Variants in PAX8 observed in about 807,000 individuals in gnomAD.
PAX8 encodes the protein paired box protein Pax-8.
Under a neutral mutation model 52.4 loss-of-function variants are expected in PAX8, and 15 were observed. That is an observed-to-expected ratio of 0.29 (90% confidence interval 0.19 to 0.44). The LOEUF is 0.44. Among genes scored for constraint, PAX8 ranks in the 20% least tolerant of loss-of-function variants. The probability of loss-of-function intolerance (pLI) is 1.00; values close to 1 mark genes in which losing one functional copy is unlikely to be tolerated. For missense variants in PAX8, 554 were observed against 602.5 expected (o/e 0.92, Z 0.84); for synonymous variants, 284 against 249.7 (o/e 1.14, Z -1.29).
At chr2:113,256,011 A>AT (rs1553416880) in intron 2 of PAX8, among the ~76,000 whole-genome samples, 8 of 151,344 alleles carry the variant, frequency 5.3e-5, no homozygotes, top group Non-Finnish European at 7.4e-5. Flanking sequence ...AAAAAAAAAA[A>AT]GTTCTCCAGT....
chr2:113,229,672 G>A (rs190707080), intron 9 of PAX8, among the ~76,000 whole-genome samples: 100 of 152,318 alleles, frequency 6.6e-4, no homozygotes, highest in Middle Eastern at 3.4e-3. Context: ...ATATTTAGAC[G>A]CAGAGGGAGA....
chr2:113,259,866 C>T (rs1692538606), intron 2 of PAX8, among the ~76,000 whole-genome samples: 1 of 152,178 alleles, frequency 6.6e-6, no homozygotes, highest in Middle Eastern at 3.2e-3. Context: ...TGGAAGGGCC[C>T]TCTGGGCTGC....
At chr2:113,226,739 A>C (rs1199108439) in intron 10 of PAX8, 1 of 1,140,706 alleles carries the variant, frequency 8.8e-7, no homozygotes, top group East Asian at 4.5e-5. Context: ...ACTGGGATTC[A>C]TCAGAGTTAA....
At position 113,261,017 on chromosome 2, in the gene PAX8, G is replaced by A. The variant is rs545576415; in HGVS notation, c.26-14098C>T. Among the ~76,000 whole-genome samples, 3 of 152,218 alleles carry A rather than the reference G, an allele frequency of 2.0e-5. No individual in the cohort carries two copies. The East Asian group carries it at 5.8e-4, about 29-fold the overall frequency. On this transcript the variant is annotated intron_variant, in intron 2 of 11. Coordinates refer to ENST00000429538, the MANE Select transcript of PAX8 (RefSeq NM_003466.4). The stretch of plus-strand genomic sequence containing the variant: ...AAATGAAGGGGAACCGCCTTTCTGA[G>A]GGACACACAGGAGCAAAATCTGTGA...
chr2:113,218,810 T>C (rs1689116139), intron 11 of PAX8, among the ~76,000 whole-genome samples: 3 of 152,202 alleles, frequency 2.0e-5, no homozygotes, highest in Admixed American at 6.5e-5. Context: ...CTGGCCAGAA[T>C]GAGAACAGTG....
At chr2:113,223,300 C>T (rs958164387) in intron 10 of PAX8, among the ~76,000 whole-genome samples, 16 of 152,136 alleles carry the variant, frequency 1.1e-4, no homozygotes, top group African/African-American at 3.6e-4. Context: ...ATCCCAACAG[C>T]CAATCTACCA....
intron 2 of PAX8, among the ~76,000 whole-genome samples, chr2:113,256,252 C>T (rs539052162): frequency 2.8e-4 from 42 of 152,338 alleles, no homozygotes; most frequent in African/African-American, 9.9e-4. Context: ...ATAGTAGCTA[C>T]AGGAAGCAAC....
chr2:113,230,261 C>T (rs1192069572), intron 9 of PAX8, among the ~76,000 whole-genome samples: 3 of 152,184 alleles, frequency 2.0e-5, no homozygotes, highest in African/African-American at 4.8e-5. Context: ...CCTGTGGCCC[C>T]GCACTCCCCT....
At chr2:113,231,614 G>A (rs1454952227) in intron 9 of PAX8, among the ~76,000 whole-genome samples, 1 of 152,220 alleles carries the variant, frequency 6.6e-6, no homozygotes, top group Non-Finnish European at 1.5e-5. Flanking sequence ...GAAGATTCAC[G>A]CGGGTTAAAG....
chr2:113,277,352 G>GCTAA (rs1164750808), intron 2 of PAX8, among the ~76,000 whole-genome samples: 1 of 152,242 alleles, frequency 6.6e-6, no homozygotes, highest in East Asian at 1.9e-4. Context: ...AGTGCGCTTG[G>GCTAA]CTAAATAGAG....
At chr2:113,274,244 G>A (rs1982331) in intron 2 of PAX8, 151,568 of 152,282 alleles carry the variant, frequency 1, 75,435 homozygotes, top group Middle Eastern at 1. Context: ...ATGGACCCCA[G>A]ATAAAGACTT....
At chr2:113,274,529 A>AC (rs1294781906) in intron 2 of PAX8, 1 of 151,090 alleles carries the variant, frequency 6.6e-6, no homozygotes, top group African/African-American at 2.4e-5. Context: ...TTTCCTTTCC[A>AC]CCCCCATTGC....
In PAX8 at chr2:113,250,266, CAAAA is replaced by C. The variant is rs35799959; in HGVS notation, c.26-3351_26-3348del. ...TGGGTGACAGAGCAAGACTCCATCT[CAAAA>C]AAAAAAAAAAAAAAGAAGATAGGGG... On this transcript the variant is annotated intron_variant, in intron 2 of 11. Transcript: ENST00000429538. Among the ~76,000 whole-genome samples, 69 of 102,978 alleles carry C rather than the reference CAAAA, an allele frequency of 6.7e-4. 1 individual carries two copies. Among genetic ancestry groups the C allele is most frequent in the Non-Finnish European group, 9.7e-4 (48 of 49,288 alleles). 67.6% of individuals were successfully genotyped at this position (102,978 alleles called of 152,430 possible).
chr2:113,220,025 C>A lies in PAX8; in HGVS notation c.1276+67G>T, dbSNP rs559351251. 43 of 1,177,986 alleles carry A rather than the reference C, an allele frequency of 3.7e-5. 1 individual carries two copies. The South Asian group carries it at 5.2e-4, about 14-fold the overall frequency. 73.0% of individuals were successfully genotyped at this position (1,177,986 alleles called of 1,614,324 possible). On this transcript the variant is annotated intron_variant, in intron 11 of 11. Transcript: ENST00000429538. ...TCCCAGCTTTCAGGTAACCTTTGAC[C>A]CACCCTTGCCCCCCACCACTCCATC...
intron 9 of PAX8, among the ~76,000 whole-genome samples, chr2:113,229,340 T>G (rs1190203252): frequency 1.3e-5 from 2 of 152,198 alleles, no homozygotes; most frequent in South Asian, 4.1e-4. Context: ...TCTGCATAAT[T>G]CAGAGCCAGG....
intron 2 of PAX8, among the ~76,000 whole-genome samples, chr2:113,262,428 C>G (rs1308955595): frequency 6.6e-6 from 1 of 152,174 alleles, no homozygotes; most frequent in Non-Finnish European, 1.5e-5. Context: ...ATGGATGTCA[C>G]CTTCCCCTTC....
At chr2:113,225,821 A>G in intron 10 of PAX8, 1 of 716,214 alleles carries the variant, frequency 1.4e-6, no homozygotes, top group Non-Finnish European at 1.7e-6. Context: ...TGGAAGGGGA[A>G]TGGGGGGAAC....
chr2:113,245,055 T>TGTTG lies in PAX8; in HGVS notation c.192-432_192-431insCAAC, dbSNP rs1553414838. Among the ~76,000 whole-genome samples, 462 of 151,036 alleles carry TGTTG rather than the reference T, an allele frequency of 3.1e-3. 2 individuals are homozygous for TGTTG. Among genetic ancestry groups the TGTTG allele is most frequent in the African/African-American group, 8.1e-3 (336 of 41,306 alleles). On this transcript the variant is annotated intron_variant, in intron 3 of 11. Coordinates refer to ENST00000429538, the MANE Select transcript of PAX8 (RefSeq NM_003466.4). Reference sequence around the variant, plus strand: ...ACTGAGGTTTTTTTTGTTTTTTTTTTTTGTTTTTTGAGACAGGGTCTCAAT... The same window carrying TGTTG: ...ACTGAGGTTTTTTTTGTTTTTTTTTTGTTGTTGTTTTTTGAGACAGGGTCTCAAT...
chr2:113,271,436 C>T (rs953692669), intron 2 of PAX8: 2 of 152,170 alleles, frequency 1.3e-5, no homozygotes, highest in Non-Finnish European at 2.9e-5. Flanking sequence ...CTCCCTCTGC[C>T]TTTCCAAGTG....
Sources: allele counts gnomAD v4.1 joint callset (sites outside exome capture counted in the v4.1 genomes callset), GRCh38; gene constraint gnomAD v4.1.1; transcripts MANE v1.5; gene names NCBI Gene and HGNC (gene_info 2026-07-23, HGNC 2026-07-21).